CNTN1: variants seen among roughly 807,000 people sequenced by gnomAD.
CNTN1 encodes the protein contactin 1, also known as contactin-1.
Under a neutral mutation model 126.4 loss-of-function variants are expected in CNTN1, and 38 were observed. The observed-to-expected ratio is 0.30, with a 90% CI of 0.23 to 0.39. The LOEUF (loss-of-function observed/expected upper bound fraction) is 0.39. Ranked by LOEUF, CNTN1 falls within the 10% of genes least tolerant of loss-of-function variation. The probability of loss-of-function intolerance (pLI) is 1.00; values close to 1 mark genes in which losing one functional copy is unlikely to be tolerated. For synonymous variants in CNTN1, 413 were observed against 422.6 expected, an observed-to-expected ratio of 0.98 and a Z score of 0.28; for missense variants, 1,009 against 1,248.4, an observed-to-expected ratio of 0.81 and a Z score of 2.89.
chr12:40,824,219 G>A (rs73118717), intron 1 of CNTN1, among the ~76,000 whole-genome samples: 2 of 151,880 alleles, frequency 1.3e-5, no homozygotes, highest in African/African-American at 4.8e-5. Context: ...TAATTTTGCC[G>A]TATCACCTGA....
intron 1 of CNTN1, among the ~76,000 whole-genome samples, chr12:40,820,952 G>A (rs1941423874): frequency 2.0e-5 from 3 of 152,150 alleles, no homozygotes; most frequent in Admixed American, 2.0e-4. Context: ...TCTTGCCTTT[G>A]TAGGGAAAAT....
intron 1 of CNTN1, among the ~76,000 whole-genome samples, chr12:40,867,765 C>T (rs1943348926): frequency 6.6e-6 from 1 of 151,978 alleles, no homozygotes. Context: ...TTTCTCTTTA[C>T]TTTTCTCTTT....
chr12:41,069,905 C>T (rs1052579276), intron 23 of CNTN1, 54 bp from the exon 24 acceptor site: 16 of 1,418,158 alleles, frequency 1.1e-5, no homozygotes, highest in Non-Finnish European at 1.4e-5. Flanking sequence ...ACTAAATGAG[C>T]AATAGTGACA....
Position 40,925,314 on chromosome 12 carries a change from C to T in CNTN1, c.496+662C>T, listed in dbSNP as rs531787951. Among the ~76,000 whole-genome samples, 7 of 151,728 alleles carry T rather than the reference C, an allele frequency of 4.6e-5. No individual in the cohort carries two copies. The South Asian group carries it at 1.5e-3, about 32-fold the overall frequency. On this transcript the variant is annotated intron_variant, in intron 6 of 23. Coordinates refer to ENST00000551295, the MANE Select transcript of CNTN1 (RefSeq NM_001843.4). ...ATCTCTTTGAAACAATATATAAATA[C>T]CTGTTTTCACAATTTAAAAATCATG...
intron 23 of CNTN1, among the ~76,000 whole-genome samples, chr12:41,051,032 A>T (rs978974270): frequency 6.6e-6 from 1 of 152,072 alleles, no homozygotes; most frequent in East Asian, 1.9e-4. Flanking sequence ...TTGAGAATGC[A>T]TGCTCGGTGG....
chr12:41,042,805 T>C (rs1162066685), intron 23 of CNTN1, among the ~76,000 whole-genome samples: 1 of 152,008 alleles, frequency 6.6e-6, no homozygotes, highest in Non-Finnish European at 1.5e-5. Flanking sequence ...AACAGAGATA[T>C]AGATCAATGG....
chr12:41,068,037 G>A (rs1950084026), intron 23 of CNTN1, among the ~76,000 whole-genome samples: 1 of 152,132 alleles, frequency 6.6e-6, no homozygotes, highest in African/African-American at 2.4e-5. Context: ...TACATTAAGT[G>A]CAGAGCGCAG....
intron 14 of CNTN1, among the ~76,000 whole-genome samples, chr12:40,948,121 T>C (rs978733331): frequency 1.3e-5 from 2 of 151,994 alleles, no homozygotes; most frequent in Non-Finnish European, 1.5e-5. Flanking sequence ...AGAGTGCATA[T>C]AGAGACTTGG....
At chr12:41,011,974 C>A (rs566050714) in intron 17 of CNTN1, among the ~76,000 whole-genome samples, 1 of 152,334 alleles carries the variant, frequency 6.6e-6, no homozygotes, top group Non-Finnish European at 1.5e-5. Context: ...GGACATTTTA[C>A]TCCTAATTGC....
chr12:41,042,166 G>T (rs370465133), intron 23 of CNTN1, among the ~76,000 whole-genome samples: 2 of 151,848 alleles, frequency 1.3e-5, no homozygotes, highest in Non-Finnish European at 2.9e-5. Flanking sequence ...CCTTCATTTC[G>T]TTATGTACCC....
chr12:40,813,743 G>T (rs1001917315), intron 1 of CNTN1, among the ~76,000 whole-genome samples: 1 of 152,024 alleles, frequency 6.6e-6, no homozygotes, highest in African/African-American at 2.4e-5. Context: ...TGGTATTTCT[G>T]GTTCTAGATC....
intron 15 of CNTN1, chr12:40,972,133 G>A (rs1947534447): frequency 1.0e-6 from 1 of 985,406 alleles, no homozygotes; most frequent in Non-Finnish European, 1.2e-6. Context: ...TAGCATGTGG[G>A]GGAAACCCTC....
Position 40,767,410 on chromosome 12 carries a change from C to T in CNTN1, c.-77+74818C>T, listed in dbSNP as rs542821956. Reference sequence around the variant, plus strand: ...TGCAAGCTCTGCCTCCCGGGTTCACCCCATTCTCCTGCCCCAGCCTCCCGA... The same window carrying T: ...TGCAAGCTCTGCCTCCCGGGTTCACTCCATTCTCCTGCCCCAGCCTCCCGA... On this transcript the variant is annotated intron_variant, in intron 1 of 23. Transcript: ENST00000551295. 7.5e-5 allele frequency among the ~76,000 whole-genome samples: 10 copies of T among 133,706 alleles called. No homozygotes were observed. The South Asian group carries it at 1.7e-3, about 23-fold the overall frequency. The allele number at this position is 133,706 out of a possible 152,430, so 87.7% of individuals were successfully genotyped here.
rs1950162689 is a variant in CNTN1 at position 41,071,705 on chromosome 12, G to A, written c.*1670G>A. On this transcript the variant is annotated 3_prime_UTR_variant, in exon 24 of 24. Coordinates refer to ENST00000551295, the MANE Select transcript of CNTN1 (RefSeq NM_001843.4). ...AATAAGTGAAATGGATGATTTCCCA[G>A]TGGAAGTATGTCAACAGTCTTAAGA... 6.6e-6 allele frequency: 1 copy of A among 152,148 alleles called. No homozygotes were observed. The highest frequency in any genetic ancestry group is 1.5e-5 in the Non-Finnish European group (1 of 68,014). 9.4% of individuals were successfully genotyped at this position (152,148 alleles called of 1,614,324 possible). A position where few individuals can be genotyped will look rare whatever the true frequency, so the allele number is the denominator to read the frequency against.
At chr12:40,707,249 T>C (rs1418766569) in intron 1 of CNTN1, among the ~76,000 whole-genome samples, 6 of 102,378 alleles carry the variant, frequency 5.9e-5, no homozygotes, top group South Asian at 3.2e-4. Context: ...TTTTTTTTTT[T>C]TTTTTTTTTT....
chr12:40,750,516 G>A (rs1938366988), intron 1 of CNTN1, among the ~76,000 whole-genome samples: 1 of 151,850 alleles, frequency 6.6e-6, no homozygotes, highest in Admixed American at 6.6e-5. Context: ...GAAAGCATGG[G>A]TATTAGCTGT....
intron 1 of CNTN1, among the ~76,000 whole-genome samples, chr12:40,773,660 T>TAC (rs1939447254): frequency 1.4e-4 from 1 of 7,372 alleles, no homozygotes; most frequent in African/African-American, 2.9e-4. Context: ...TATATACACA[T>TAC]ATATATATAT....
intron 1 of CNTN1, among the ~76,000 whole-genome samples, chr12:40,803,593 T>G (rs913363603): frequency 6.6e-6 from 1 of 152,020 alleles, no homozygotes; most frequent in African/African-American, 2.4e-5. Flanking sequence ...TGCTTAGATT[T>G]TCACAATATG....
chr12:40,777,222 G>C (rs1939622129), intron 1 of CNTN1, among the ~76,000 whole-genome samples: 1 of 150,720 alleles, frequency 6.6e-6, no homozygotes, highest in Admixed American at 6.7e-5. Context: ...AGGATAGTCA[G>C]GGTATCTAAT....
Sources: gnomAD v4.1 joint callset for allele counts (sites outside exome capture counted in the v4.1 genomes callset) on GRCh38, gnomAD v4.1.1 for gene constraint, MANE v1.5 for transcripts, NCBI Gene and HGNC (gene_info 2026-07-23, HGNC 2026-07-21) for gene names.